Variants in ZNF568 observed in about 807,000 individuals in gnomAD.
ZNF568 encodes p53 inhibitor of SCO2 activation.
In ZNF568, 11 loss-of-function variants were observed where a neutral mutation model predicts 18.1. That is an observed-to-expected ratio of 0.61 (90% CI 0.38 to 1.00). ZNF568 has a LOEUF of 1.00. Among genes scored for constraint, ZNF568 ranks in the 50% least tolerant of loss-of-function variants. The pLI is 0.01. For synonymous variants in ZNF568, 213 were observed against 246.6 expected, an observed-to-expected ratio of 0.86 and a Z score of 1.28; for missense variants, 639 against 768.2, an observed-to-expected ratio of 0.83 and a Z score of 1.99.
chr19:36,937,319 A>G lies in ZNF568; in HGVS notation c.358+77A>G, dbSNP rs561961399. ...AGTGAAGGGTTGATATCATTTCACAATTTCCAAGATTTTCTTAAAGGCCTT... is the reference window on the plus strand; with the variant it reads ...AGTGAAGGGTTGATATCATTTCACAGTTTCCAAGATTTTCTTAAAGGCCTT... On this transcript the variant is annotated intron_variant, in intron 6 of 6. Coordinates refer to ENST00000333987, the MANE Select transcript of ZNF568 (RefSeq NM_198539.4). The G allele has an allele frequency of 1.8e-5, 22 of 1,231,360 alleles. 1 individual carries two copies. In the South Asian group the frequency reaches 2.9e-4, roughly 16 times the overall value. 76.3% of individuals were successfully genotyped at this position (1,231,360 alleles called of 1,614,324 possible).
Position 36,950,609 on chromosome 19 carries a change from A to G in ZNF568, c.1456A>G (p.Met486Val). The G allele has an allele frequency of 6.2e-7, 1 of 1,613,964 alleles. No individual in the cohort carries two copies. The highest frequency in any genetic ancestry group is 1.3e-5 in the African/African-American group (1 of 75,030). Residue 486 changes from methionine to valine, a missense_variant, in exon 7 of 7, where the codon ATG becomes GTG. Physicochemically the swap from Met to Val is conservative, Grantham distance 21. Transcript: ENST00000333987. Reference sequence around the variant, plus strand: ...TGAATGTGGGAAAGCTTTTATTCAGATGTCAAACCTCATTCGACACCAGAG... The same window carrying G: ...TGAATGTGGGAAAGCTTTTATTCAGGTGTCAAACCTCATTCGACACCAGAG... ...CSECGKAFIQ[M>V]SNLIRHQRIH...
intron 4 of ZNF568, among the ~76,000 whole-genome samples, chr19:36,930,213 CTT>C (rs35298028): frequency 2.7e-4 from 38 of 142,346 alleles, no homozygotes; most frequent in African/African-American, 5.0e-4. Flanking sequence ...GATGCAATTT[CTT>C]TTTTTTTTTT....
At position 36,933,907 on chromosome 19, in the gene ZNF568, T is replaced by TG. The variant is rs1568384424; in HGVS notation, c.136-2839_136-2838insG. Among the ~76,000 whole-genome samples, 113 of 34,764 alleles carry TG rather than the reference T, an allele frequency of 3.3e-3. 2 individuals are homozygous for TG. Among genetic ancestry groups the TG allele is most frequent in the Middle Eastern group, 0.024 (2 of 82 alleles). The allele number at this position is 34,764 out of a possible 152,430, so 22.8% of individuals were successfully genotyped here. A position where few individuals can be genotyped will look rare whatever the true frequency, so the allele number is the denominator to read the frequency against. ...GTTTTTCTTTTGGGTAGGTTTTTTT[T>TG]TTTGTTTTGTTTTTTTGTTTTTTTT... On this transcript the variant is annotated intron_variant, in intron 4 of 6. Coordinates refer to ENST00000333987, the MANE Select transcript of ZNF568 (RefSeq NM_198539.4).
intron 6 of ZNF568, among the ~76,000 whole-genome samples, chr19:36,964,170 T>C (rs571985956): frequency 6.6e-6 from 1 of 151,968 alleles, no homozygotes; most frequent in Non-Finnish European, 1.5e-5. Context: ...TCAAGTCACA[T>C]AAACATTTGT....
intron 6 of ZNF568, chr19:36,974,363 G>A (rs1170249129): frequency 2.0e-6 from 3 of 1,485,368 alleles, no homozygotes; most frequent in Non-Finnish European, 2.7e-6. Context: ...GCCTCCCAAG[G>A]GGTTCAGGGA....
intron 6 of ZNF568, among the ~76,000 whole-genome samples, chr19:36,972,813 C>T (rs968002790): frequency 6.6e-6 from 1 of 152,252 alleles, no homozygotes; most frequent in Non-Finnish European, 1.5e-5. Flanking sequence ...CACACAAACC[C>T]CACTCCCTGA....
intron 2 of ZNF568, among the ~76,000 whole-genome samples, chr19:36,918,280 A>C (rs1459687855): frequency 6.6e-6 from 1 of 152,126 alleles, no homozygotes; most frequent in African/African-American, 2.4e-5. Flanking sequence ...AATTAGTAGT[A>C]GTAGCTCATT....
intron 6 of ZNF568, among the ~76,000 whole-genome samples, chr19:36,944,034 G>T (rs2073923891): frequency 6.6e-6 from 1 of 152,062 alleles, no homozygotes; most frequent in Non-Finnish European, 1.5e-5. Flanking sequence ...GATTATGGTT[G>T]CTCTTTAATA....
chr19:36,979,874 C>T (rs1003538579), exon 8 of ZNF568: 1 of 152,130 alleles, frequency 6.6e-6, no homozygotes, highest in Non-Finnish European at 1.5e-5. Context: ...TCCTCACCAA[C>T]ACTTGGTATT....
intron 6 of ZNF568, among the ~76,000 whole-genome samples, chr19:36,972,900 G>T (rs1644646): frequency 1.3e-5 from 2 of 152,240 alleles, no homozygotes; most frequent in Non-Finnish European, 2.9e-5. Flanking sequence ...GGGCCCGGCC[G>T]CCCCTTCCCG....
At chr19:36,977,713 A>C (rs1017287106) in intron 7 of ZNF568, among the ~76,000 whole-genome samples, 7 of 152,106 alleles carry the variant, frequency 4.6e-5, no homozygotes, top group African/African-American at 1.7e-4. Context: ...TTGCACTTCA[A>C]CCCTTCATTG....
chr19:36,982,661 G>A (rs992986532), downstream of ZNF568, among the ~76,000 whole-genome samples: 4 of 151,946 alleles, frequency 2.6e-5, no homozygotes, highest in African/African-American at 4.8e-5. Context: ...AGCCAGGATC[G>A]CGCCATTGCA....
At position 36,996,493 on chromosome 19, in the gene ZNF568, C is replaced by T. The variant is rs979045396; in HGVS notation, c.406C>T (p.Gln136Ter). The T allele has an allele frequency of 7.2e-6, 11 of 1,536,392 alleles. No homozygotes were observed. The African/African-American group carries it at 1.4e-4, about 19-fold the overall frequency. Reference sequence around the variant, plus strand: ...AGCTGTAATACCATTTACTTCCATGCAGTGCACAGCCCATAGAGAATATCA... The same window carrying T: ...AGCTGTAATACCATTTACTTCCATGTAGTGCACAGCCCATAGAGAATATCA... Residue 136 changes from glutamine to a stop codon, truncating the protein, a stop_gained, in exon 5 of 5, where the codon CAG becomes TAG. Transcript: ENST00000433993. LOFTEE classifies it low-confidence loss of function (END_TRUNC).
downstream of ZNF568, among the ~76,000 whole-genome samples, chr19:36,982,810 T>C (rs1310473313): frequency 3.3e-5 from 5 of 152,236 alleles, no homozygotes; most frequent in Admixed American, 6.5e-5. Flanking sequence ...TACACCTTTA[T>C]TGGGAAAAAC....
chr19:36,968,543 CA>C (rs59549359), intron 6 of ZNF568, among the ~76,000 whole-genome samples: 26,903 of 93,826 alleles, frequency 0.29, 2,461 homozygotes, highest in African/African-American at 0.36. Flanking sequence ...ACTCTGTCTC[CA>C]AAAAAAAAAA....
chr19:36,991,933 T>G, intron 4 of ZNF568: 1 of 1,085,776 alleles, frequency 9.2e-7, no homozygotes. Flanking sequence ...GGGATTTTGG[T>G]AGGAAAGCTG....
chr19:36,943,954 A>C (rs994511672), intron 6 of ZNF568, among the ~76,000 whole-genome samples: 4 of 152,166 alleles, frequency 2.6e-5, no homozygotes, highest in African/African-American at 9.7e-5. Context: ...CCAGACATGG[A>C]AATAGCCATT....
exon 8 of ZNF568, chr19:36,979,061 G>T (rs1295519451): frequency 1.4e-5 from 4 of 288,216 alleles, no homozygotes; most frequent in Non-Finnish European, 2.6e-5. Flanking sequence ...TCAGCTCACC[G>T]CAACCTCTGC....
chr19:36,926,960 T>C (rs1016293170), intron 4 of ZNF568, among the ~76,000 whole-genome samples: 4 of 152,214 alleles, frequency 2.6e-5, no homozygotes, highest in African/African-American at 4.8e-5. Flanking sequence ...TCATTATGAG[T>C]GAAGAAATAC....
Sources: gnomAD v4.1 joint callset for allele counts (sites outside exome capture counted in the v4.1 genomes callset) on GRCh38, gnomAD v4.1.1 for gene constraint, MANE v1.5 for transcripts, NCBI Gene and HGNC (gene_info 2026-07-23, HGNC 2026-07-21) for gene names.